FHIP2A: variants seen among roughly 807,000 people sequenced by gnomAD.
The protein encoded by FHIP2A is FHF complex subunit HOOK interacting protein 2A.
A neutral mutation model predicts 93.5 loss-of-function variants in FHIP2A; 46 were observed. That is an observed-to-expected ratio of 0.49 (90% CI 0.39 to 0.63). The LOEUF is 0.63. Among genes scored for constraint, FHIP2A ranks in the 20% least tolerant of loss-of-function variants. The pLI, the probability that FHIP2A is intolerant of heterozygous loss-of-function variation, is 0.00. For synonymous variants in FHIP2A, 332 were observed against 326.5 expected, an observed-to-expected ratio of 1.02 and a Z score of -0.18; for missense variants, 769 against 909.7, an observed-to-expected ratio of 0.85 and a Z score of 1.99.
At chr10:114,881,084 T>C (rs1397444918) in intron 16 of FHIP2A, among the ~76,000 whole-genome samples, 1 of 152,168 alleles carries the variant, frequency 6.6e-6, no homozygotes, top group African/African-American at 2.4e-5. Context: ...AATCTGGGAC[T>C]TCAAACAATC....
At chr10:114,871,037 CATACAT>C (rs1332346279) in intron 16 of FHIP2A, among the ~76,000 whole-genome samples, 1 of 149,306 alleles carries the variant, frequency 6.7e-6, no homozygotes, top group Non-Finnish European at 1.5e-5. Context: ...TATATATACA[CATACAT>C]ATACATACAT....
At position 114,897,934 on chromosome 10, in the gene FHIP2A, A is replaced by T. The variant is rs1351248053; in HGVS notation, c.2193-1556A>T. Among the ~76,000 whole-genome samples the T allele has an allele frequency of 2.6e-5, 4 of 152,174 alleles. No homozygotes were observed. The South Asian group carries it at 6.2e-4, about 24-fold the overall frequency. On this transcript the variant is annotated intron_variant, in intron 16 of 16. Transcript: ENST00000369250. The stretch of plus-strand genomic sequence containing the variant: ...CAAACAAAAATTCATTGGGACTGTG[A>T]CTGAACTTGAGAATTATTACTATTG...
At position 114,861,631 on chromosome 10, in the gene FHIP2A, A is replaced by G; in HGVS notation, c.*91A>G. 6.6e-7 allele frequency: 1 copy of G among 1,508,768 alleles called. No individual in the cohort carries two copies. Among genetic ancestry groups the G allele is most frequent in the South Asian group, 1.3e-5 (1 of 76,064 alleles). The allele number at this position is 1,508,768 out of a possible 1,614,324, so 93.5% of individuals were successfully genotyped here. A position where few individuals can be genotyped will look rare whatever the true frequency, so the allele number is the denominator to read the frequency against. ...TCCACCCAGCCACAAGAGGATAAAAAGCCTTTTTAAACGCAGTATTGCTGT... is the reference window on the plus strand; with the variant it reads ...TCCACCCAGCCACAAGAGGATAAAAGGCCTTTTTAAACGCAGTATTGCTGT... On this transcript the variant is annotated 3_prime_UTR_variant, in exon 17 of 17. Coordinates refer to ENST00000369248, the MANE Select transcript of FHIP2A (RefSeq NM_020940.4).
At chr10:114,893,933 C>G (rs1267429192) in intron 16 of FHIP2A, among the ~76,000 whole-genome samples, 1 of 151,674 alleles carries the variant, frequency 6.6e-6, no homozygotes, top group African/African-American at 2.4e-5. Flanking sequence ...GAAAATACAC[C>G]AAAATTTTAA....
downstream of FHIP2A, among the ~76,000 whole-genome samples, chr10:114,867,814 C>T (rs1167900400): frequency 6.6e-6 from 1 of 152,204 alleles, no homozygotes; most frequent in Non-Finnish European, 1.5e-5. Context: ...CCAGAGCTCA[C>T]TCCTGCCAGG....
chr10:114,891,219 A>AATATAT (rs67046628), intron 16 of FHIP2A, among the ~76,000 whole-genome samples: 2,892 of 138,384 alleles, frequency 0.021, 31 homozygotes, highest in Non-Finnish European at 0.024. Flanking sequence ...AACAACAACA[A>AATATAT]ATATATATAT....
chr10:114,880,607 C>CAGATGGAG (rs921761138), intron 16 of FHIP2A, among the ~76,000 whole-genome samples: 11 of 151,550 alleles, frequency 7.3e-5, no homozygotes, highest in African/African-American at 9.7e-5. Context: ...TTGAACCTGG[C>CAGATGGAG]AGATGGAGGT....
chr10:114,894,968 A>G (rs2083993765), intron 16 of FHIP2A, among the ~76,000 whole-genome samples: 1 of 152,220 alleles, frequency 6.6e-6, no homozygotes, highest in African/African-American at 2.4e-5. Context: ...TAGCACTGAG[A>G]ATGCAGAAGG....
chr10:114,849,677 T>C (rs7916346), intron 13 of FHIP2A, among the ~76,000 whole-genome samples: 7,665 of 152,280 alleles, frequency 0.05, 341 homozygotes, highest in Admixed American at 0.12. Context: ...ATATTCACAA[T>C]GTTATGCAAC....
intron 5 of FHIP2A, among the ~76,000 whole-genome samples, chr10:114,839,772 C>T (rs1171769713): frequency 6.6e-6 from 1 of 151,160 alleles, no homozygotes; most frequent in Non-Finnish European, 1.5e-5. Flanking sequence ...GTCCCAGCTA[C>T]TCAGGAGGCT....
At chr10:114,850,240 C>G (rs184240542) in intron 13 of FHIP2A, among the ~76,000 whole-genome samples, 123 of 152,238 alleles carry the variant, frequency 8.1e-4, no homozygotes, top group Non-Finnish European at 1.4e-3. Flanking sequence ...TATAAGGGTT[C>G]CAAGTTCACC....
At chr10:114,867,299 C>T (rs569587828), downstream of FHIP2A, among the ~76,000 whole-genome samples, 67 of 152,044 alleles carry the variant, frequency 4.4e-4, no homozygotes, top group African/African-American at 1.5e-3. Flanking sequence ...TTAACTGTGG[C>T]CTTTCACTTC....
intron 15 of FHIP2A, 21 bp from the exon 16 acceptor site, chr10:114,861,210 T>C (rs759436725): frequency 6.8e-5 from 110 of 1,612,320 alleles, no homozygotes; most frequent in South Asian, 6.6e-4. Context: ...GGAACTGAAG[T>C]GCCTTGCCTC....
At position 114,823,059 on chromosome 10, in the gene FHIP2A, T is replaced by A. The variant is rs555074722; in HGVS notation, c.45+936T>A. Among the ~76,000 whole-genome samples, 97 of 152,158 alleles carry A rather than the reference T, an allele frequency of 6.4e-4. 3 individuals are homozygous for A. The South Asian group carries it at 0.021, about 32-fold the overall frequency. On this transcript the variant is annotated intron_variant, in intron 1 of 16. Transcript: ENST00000369248. The stretch of plus-strand genomic sequence containing the variant: ...AAAAATGCATTCTGTGCAGAAACAA[T>A]TACTTTGCTAATTTTTAACATGACA...
chr10:114,871,056 A>C (rs1353670878), intron 16 of FHIP2A, among the ~76,000 whole-genome samples: 1 of 150,036 alleles, frequency 6.7e-6, no homozygotes, highest in African/African-American at 2.4e-5. Context: ...ACATACATAT[A>C]ATTTATTTTT....
intron 13 of FHIP2A, among the ~76,000 whole-genome samples, chr10:114,851,308 T>A (rs1334774601): frequency 6.6e-6 from 1 of 152,222 alleles, no homozygotes; most frequent in Non-Finnish European, 1.5e-5. Context: ...CAAGATTACA[T>A]AGATTTTCAC....
intron 1 of FHIP2A, among the ~76,000 whole-genome samples, chr10:114,827,947 AAATTT>A (rs2083586955): frequency 6.6e-6 from 1 of 152,170 alleles, no homozygotes; most frequent in African/African-American, 2.4e-5. Flanking sequence ...GAATTTTTTA[AAATTT>A]AATTCTCTGT....
chr10:114,821,993 C>A lies in FHIP2A; in HGVS notation c.-86C>A. 1.1e-6 allele frequency: 1 copy of A among 917,798 alleles called. No individual in the cohort carries two copies. The highest frequency in any genetic ancestry group is 4.3e-5 in the South Asian group (1 of 23,408). The allele number at this position is 917,798 out of a possible 1,614,324, so 56.9% of individuals were successfully genotyped here. On this transcript the variant is annotated 5_prime_UTR_variant, in exon 1 of 17. Transcript: ENST00000369248. Reference sequence around the variant, plus strand: ...GCACCGGCCTTCACTCTGGAGCGGCCCCGGCAGCCGCAGCAGGGGCGGCGG... The same window carrying A: ...GCACCGGCCTTCACTCTGGAGCGGCACCGGCAGCCGCAGCAGGGGCGGCGG...
intron 16 of FHIP2A, among the ~76,000 whole-genome samples, chr10:114,886,438 C>CA (rs2083943179): frequency 1.3e-5 from 2 of 151,620 alleles, no homozygotes; most frequent in Non-Finnish European, 2.9e-5. Flanking sequence ...AAAACAGAAA[C>CA]AGTCTATAGT....
Sources: gnomAD v4.1 joint callset for allele counts (sites outside exome capture counted in the v4.1 genomes callset) on GRCh38, gnomAD v4.1.1 for gene constraint, MANE v1.5 for transcripts, NCBI Gene and HGNC (gene_info 2026-07-23, HGNC 2026-07-21) for gene names.